The following RBFOX1 variants were observed in gnomAD, a reference collection of about 807,000 sequenced individuals.
RBFOX1 encodes the protein RNA binding protein fox-1 homolog 1.
Under a neutral mutation model 57.7 loss-of-function variants are expected in RBFOX1, and 8 were observed. The observed-to-expected ratio is 0.14, with a 90% CI of 0.08 to 0.25. RBFOX1 has a LOEUF of 0.25. Ranked by LOEUF, RBFOX1 falls within the 10% of genes least tolerant of loss-of-function variation. The probability of loss-of-function intolerance (pLI) is 1.00; values close to 1 mark genes in which losing one functional copy is unlikely to be tolerated. For missense variants in RBFOX1, 611 were observed against 548.5 expected (o/e 1.11, Z -1.14); for synonymous variants, 326 against 222.4 (o/e 1.47, Z -4.15).
At chr16:7,076,079 A>C (rs184629696) in intron 4 of RBFOX1, among the ~76,000 whole-genome samples, 1 of 131,616 alleles carries the variant, frequency 7.6e-6, no homozygotes, top group East Asian at 2.2e-4. Context: ...GTCTTGTTCT[A>C]TTGCCAGGCT....
chr16:6,627,781 A>G (rs980574791), intron 2 of RBFOX1, among the ~76,000 whole-genome samples: 3 of 152,144 alleles, frequency 2.0e-5, no homozygotes, highest in Admixed American at 6.5e-5. Flanking sequence ...ACTGAAGCCA[A>G]TTGATAAAAT....
intron 2 of RBFOX1, among the ~76,000 whole-genome samples, chr16:5,548,873 G>GA (rs751470571): frequency 4.6e-5 from 7 of 152,156 alleles, no homozygotes; most frequent in Non-Finnish European, 1.0e-4. Flanking sequence ...CAAGGATGAG[G>GA]AAGAAGATGG....
chr16:7,291,737 C>A (rs1044939519), intron 4 of RBFOX1, among the ~76,000 whole-genome samples: 1 of 151,684 alleles, frequency 6.6e-6, no homozygotes, highest in Non-Finnish European at 1.5e-5. Context: ...GAGATGCAGC[C>A]TGTGAGGAGA....
In RBFOX1 at chr16:6,527,767, C is replaced by T. The variant is rs367714465; in HGVS notation, c.-63-126836C>T. ...AGTGTTTTGTCTCTCACCTTGTGGG[C>T]GAGTTAATGGTTGCCACTCCGAGCT... On this transcript the variant is annotated intron_variant, in intron 2 of 15. Transcript: ENST00000550418. 4.6e-5 allele frequency among the ~76,000 whole-genome samples: 7 copies of T among 152,130 alleles called. No individual in the cohort carries two copies. The East Asian group carries it at 7.7e-4, about 17-fold the overall frequency.
At chr16:6,498,272 G>A (rs1442953981) in intron 2 of RBFOX1, among the ~76,000 whole-genome samples, 2 of 150,656 alleles carry the variant, frequency 1.3e-5, no homozygotes. Flanking sequence ...AAAAAAAAAG[G>A]ATGACAATTC....
At chr16:5,260,216 C>G (rs966303451) in intron 1 of RBFOX1, among the ~76,000 whole-genome samples, 6 of 151,748 alleles carry the variant, frequency 4.0e-5, no homozygotes, top group African/African-American at 1.5e-4. Context: ...GGTTCTGAGT[C>G]CAAATATTAA....
chr16:6,877,659 C>G (rs554415097), intron 3 of RBFOX1, among the ~76,000 whole-genome samples: 3 of 152,294 alleles, frequency 2.0e-5, no homozygotes, highest in African/African-American at 2.4e-5. Flanking sequence ...CAAGCCCATA[C>G]TGAGAATCAG....
At chr16:7,208,675 A>T (rs558136982) in intron 4 of RBFOX1, among the ~76,000 whole-genome samples, 46 of 152,120 alleles carry the variant, frequency 3.0e-4, no homozygotes, top group Non-Finnish European at 7.3e-5. Flanking sequence ...ATCTCAACAA[A>T]AAATTAAAAA....
intron 5 of RBFOX1, among the ~76,000 whole-genome samples, chr16:7,547,802 G>T (rs1044074800): frequency 2.0e-5 from 3 of 152,216 alleles, no homozygotes; most frequent in African/African-American, 7.2e-5. Context: ...TAGCATGAAG[G>T]TGAAACCTGT....
At position 7,334,203 on chromosome 16, in the gene RBFOX1, TCA is replaced by T. The variant is rs1470923931; in HGVS notation, c.28-183941_28-183940del. Reference sequence around the variant, plus strand: ...AGAGTCATCTGGGGGTGATTCCAAGTCACAACAAAACATTCTCTCTTTCTGGA... The same window carrying T: ...AGAGTCATCTGGGGGTGATTCCAAGTCAACAAAACATTCTCTCTTTCTGGA... On this transcript the variant is annotated intron_variant, in intron 4 of 15. Coordinates refer to ENST00000550418, the MANE Select transcript of RBFOX1 (RefSeq NM_018723.4). 7.2e-5 allele frequency among the ~76,000 whole-genome samples: 11 copies of T among 152,124 alleles called. No individual in the cohort carries two copies. In the East Asian group the frequency reaches 2.1e-3, roughly 29 times the overall value.
chr16:7,332,824 A>G (rs1030064742), intron 4 of RBFOX1: 46 of 1,423,218 alleles, frequency 3.2e-5, no homozygotes, highest in Non-Finnish European at 3.9e-5. Flanking sequence ...TTTCACATTA[A>G]GAGTTGCTGA....
rs1014120346 is a variant in RBFOX1, at chr16:5,949,541, A to G, written c.351+82206A>G. Among the ~76,000 whole-genome samples, 16 of 121,924 alleles carry G rather than the reference A, an allele frequency of 1.3e-4. No individual in the cohort carries two copies. The South Asian group carries it at 2.2e-3, about 17-fold the overall frequency. 80.0% of individuals were successfully genotyped at this position (121,924 alleles called of 152,430 possible). A position where few individuals can be genotyped will look rare whatever the true frequency, so the allele number is the denominator to read the frequency against. ...AGTCCATCTCAAAAAAAAAAAAAAA[A>G]AAAAGAAAAGAATACAGGATCCAAT... is the stretch of plus-strand genomic sequence containing the variant. On this transcript the variant is annotated intron_variant, in intron 4 of 19. Transcript: ENST00000641259.
chr16:7,705,694 G>A (rs73498760), intron 14 of RBFOX1, among the ~76,000 whole-genome samples: 16,464 of 152,062 alleles, frequency 0.11, 966 homozygotes, highest in African/African-American at 0.11. Context: ...TGGAGAGATG[G>A]ACAGACTTGA....
chr16:6,567,484 T>C (rs139846993), intron 2 of RBFOX1, among the ~76,000 whole-genome samples: 300 of 152,336 alleles, frequency 2.0e-3, no homozygotes, highest in Non-Finnish European at 3.5e-3. Flanking sequence ...CTTTCTTGGC[T>C]GCTCCAGCCA....
intron 4 of RBFOX1, among the ~76,000 whole-genome samples, chr16:7,167,307 G>A (rs1238208798): frequency 6.6e-6 from 1 of 151,916 alleles, no homozygotes; most frequent in Non-Finnish European, 1.5e-5. Context: ...TTTTACGGAT[G>A]TCACTCATTA....
At chr16:5,707,159 G>C (rs1027882690) in intron 3 of RBFOX1, among the ~76,000 whole-genome samples, 1 of 152,094 alleles carries the variant, frequency 6.6e-6, no homozygotes, top group Non-Finnish European at 1.5e-5. Flanking sequence ...CTCATTAGTG[G>C]GGAGCTTCTC....
chr16:6,983,218 C>T (rs1055683775), intron 3 of RBFOX1, among the ~76,000 whole-genome samples: 4 of 152,032 alleles, frequency 2.6e-5, no homozygotes, highest in Non-Finnish European at 4.4e-5. Flanking sequence ...ACTCTGTCAC[C>T]CGCTTTATCC....
At chr16:6,395,268 C>T (rs189851208) in intron 2 of RBFOX1, among the ~76,000 whole-genome samples, 46 of 152,198 alleles carry the variant, frequency 3.0e-4, no homozygotes, top group African/African-American at 1.0e-3. Flanking sequence ...TTGTCATAGA[C>T]GTGGTGGAAA....
chr16:6,526,180 C>T (rs1403132498), intron 2 of RBFOX1, among the ~76,000 whole-genome samples: 2 of 152,212 alleles, frequency 1.3e-5, no homozygotes, highest in African/African-American at 2.4e-5. Flanking sequence ...TTCTTTATTT[C>T]AGGACTGGAT....
Sources: gnomAD v4.1 joint callset for allele counts (sites outside exome capture counted in the v4.1 genomes callset) on GRCh38, gnomAD v4.1.1 for gene constraint, MANE v1.5 for transcripts, NCBI Gene and HGNC (gene_info 2026-07-23, HGNC 2026-07-21) for gene names.